Variants in GCNT2 observed in about 807,000 individuals in gnomAD.
GCNT2 encodes the protein glucosaminyl (N-acetyl) transferase 2 (I blood group), also known as N-acetyllactosaminide beta-1,6-N-acetylglucosaminyl-transferase.
GCNT2 carries 34 observed loss-of-function variants against 34.2 expected under a neutral mutation model. The observed-to-expected ratio is 1.00, with a 90% CI of 0.76 to 1.32. The LOEUF is 1.32. Among genes scored for constraint, GCNT2 ranks in the 40% most tolerant of loss-of-function variants. GCNT2 has a pLI of 0.00. For missense variants in GCNT2, 584 were observed against 489.4 expected (o/e 1.19, Z -1.82); for synonymous variants, 212 against 188.0 (o/e 1.13, Z -1.04).
chr6:10,549,809 T>C lies in GCNT2; in HGVS notation c.925+19973T>C, dbSNP rs570799949. Among the ~76,000 whole-genome samples the C allele has an allele frequency of 5.9e-5, 9 of 152,304 alleles. No individual in the cohort carries two copies. In the South Asian group the frequency reaches 1.7e-3, roughly 28 times the overall value. On this transcript the variant is annotated intron_variant, in intron 3 of 4. Coordinates refer to ENST00000495262, the MANE Select transcript of GCNT2 (RefSeq NM_145649.5). Reference sequence around the variant, plus strand: ...TGTTAAATAATTCTGTTCTGTATTTTGTATAATATGGATTGTGCCCAGATG... The same window carrying C: ...TGTTAAATAATTCTGTTCTGTATTTCGTATAATATGGATTGTGCCCAGATG...
chr6:10,596,568 A>T (rs1764861640), intron 3 of GCNT2, among the ~76,000 whole-genome samples: 1 of 151,898 alleles, frequency 6.6e-6, no homozygotes, highest in Non-Finnish European at 1.5e-5. Context: ...TTTCTGGAGG[A>T]AAAATGGGAA....
intron 3 of GCNT2, among the ~76,000 whole-genome samples, chr6:10,589,793 T>C (rs184216045): frequency 1.3e-5 from 2 of 152,208 alleles, no homozygotes; most frequent in Non-Finnish European, 1.5e-5. Flanking sequence ...ATATGGACTT[T>C]AAGTTCACTA....
rs1269044263 is a variant in GCNT2, at chr6:10,579,841, A to AC, written c.926-41510_926-41509insC. ...AAAAAACAAACAAAAAAAAAAAAAA[A>AC]AAAAAAACAAGTAATAAAATGGGCA... On this transcript the variant is annotated intron_variant, in intron 3 of 4. Transcript: ENST00000495262. Among the ~76,000 whole-genome samples the AC allele has an allele frequency of 5.4e-3, 808 of 148,832 alleles. 12 individuals are homozygous for AC. Among genetic ancestry groups the AC allele is most frequent in the African/African-American group, 0.018 (731 of 40,154 alleles).
intron 3 of GCNT2, among the ~76,000 whole-genome samples, chr6:10,533,493 A>G (rs1276815379): frequency 1.3e-5 from 2 of 151,872 alleles, no homozygotes; most frequent in Non-Finnish European, 2.9e-5. Flanking sequence ...ATGAATTTAA[A>G]GAATGTATTT....
intron 3 of GCNT2, among the ~76,000 whole-genome samples, chr6:10,548,993 G>A (rs1021937420): frequency 6.6e-6 from 1 of 152,186 alleles, no homozygotes; most frequent in South Asian, 2.1e-4. Context: ...TCCTGACCTC[G>A]TGATCCACAC....
intron 3 of GCNT2, among the ~76,000 whole-genome samples, chr6:10,575,990 G>T (rs1436977488): frequency 1.3e-5 from 2 of 152,152 alleles, no homozygotes; most frequent in Non-Finnish European, 2.9e-5. Context: ...GCACCCAGGT[G>T]AAATAAACAG....
chr6:10,566,804 C>A (rs1454590126), intron 3 of GCNT2, among the ~76,000 whole-genome samples: 1 of 152,218 alleles, frequency 6.6e-6, no homozygotes, highest in African/African-American at 2.4e-5. Context: ...TGCACGCACA[C>A]GTTTTATATG....
intron 3 of GCNT2, among the ~76,000 whole-genome samples, chr6:10,572,542 C>T (rs2127398024): frequency 1.3e-5 from 2 of 152,170 alleles, no homozygotes; most frequent in South Asian, 4.1e-4. Context: ...ACCATCCTGG[C>T]CAACATGGTG....
chr6:10,563,756 G>GAAAAA (rs55761102), intron 3 of GCNT2, among the ~76,000 whole-genome samples: 11 of 55,808 alleles, frequency 2.0e-4, no homozygotes, highest in East Asian at 8.0e-4. Flanking sequence ...AAAGAAAAAA[G>GAAAAA]AAAAAAAAAA....
chr6:10,523,497 T>G (rs1390357841), intron 1 of GCNT2, among the ~76,000 whole-genome samples: 1 of 152,146 alleles, frequency 6.6e-6, no homozygotes, highest in African/African-American at 2.4e-5. Flanking sequence ...CCAGCTATTT[T>G]TTGTTAAACG....
chr6:10,569,124 G>A (rs367637960), intron 3 of GCNT2, among the ~76,000 whole-genome samples: 1 of 151,780 alleles, frequency 6.6e-6, no homozygotes, highest in Admixed American at 6.6e-5. Flanking sequence ...AATATTTATT[G>A]AATTGAGTCA....
chr6:10,578,317 G>C (rs1240648732), intron 3 of GCNT2, among the ~76,000 whole-genome samples: 1 of 150,700 alleles, frequency 6.6e-6, no homozygotes, highest in Non-Finnish European at 1.5e-5. Flanking sequence ...GGAGGCGAAG[G>C]TTGCAGTGAG....
At position 10,585,066 on chromosome 6, in the gene GCNT2, TGTGTGTGTGTGTGCGC is replaced by T. The variant is rs1311554691; in HGVS notation, c.926-36283_926-36268del. On this transcript the variant is annotated intron_variant, in intron 3 of 4. Coordinates refer to ENST00000495262, the MANE Select transcript of GCNT2 (RefSeq NM_145649.5). ...GTGTGTGTGTGTGTGTGTGTGTGTG[TGTGTGTGTGTGTGCGC>T]GCTATATTCTGACACATCATTAGAA... Among the ~76,000 whole-genome samples the T allele has an allele frequency of 9.3e-3, 1,203 of 129,436 alleles. 20 individuals carry two copies. The highest frequency in any genetic ancestry group is 0.047 in the African/African-American group (1,118 of 23,778). The allele number at this position is 129,436 out of a possible 152,430, so 84.9% of individuals were successfully genotyped here.
At position 10,604,143 on chromosome 6, in the gene GCNT2, C is replaced by T. The variant is rs547448903; in HGVS notation, c.926-17208C>T. On this transcript the variant is annotated intron_variant, in intron 3 of 4. Coordinates refer to ENST00000495262, the MANE Select transcript of GCNT2 (RefSeq NM_145649.5). ...ATCTCCTGACCTCATGTGATCCGCCCGCTTCGGCCTCCCAAAGTGCTGGGA... is the reference window on the plus strand; with the variant it reads ...ATCTCCTGACCTCATGTGATCCGCCTGCTTCGGCCTCCCAAAGTGCTGGGA... Among the ~76,000 whole-genome samples, 19 of 150,666 alleles carry T rather than the reference C, an allele frequency of 1.3e-4. No individual in the cohort carries two copies. In the South Asian group the frequency reaches 1.9e-3, roughly 15 times the overall value.
intron 3 of GCNT2, among the ~76,000 whole-genome samples, chr6:10,540,968 T>G (rs890125529): frequency 4.6e-5 from 7 of 152,162 alleles, no homozygotes; most frequent in Admixed American, 3.3e-4. Context: ...CAGTATCAAT[T>G]ACCCTCCATC....
intron 3 of GCNT2, among the ~76,000 whole-genome samples, chr6:10,552,226 ATTG>A (rs1762516471): frequency 6.6e-6 from 1 of 151,226 alleles, no homozygotes; most frequent in Non-Finnish European, 1.5e-5. Flanking sequence ...TTACGGGAGG[ATTG>A]TTGTTTTAGT....
chr6:10,573,049 A>G (rs1377199277), intron 3 of GCNT2: 1 of 279,506 alleles, frequency 3.6e-6, no homozygotes, highest in African/African-American at 2.3e-5. Context: ...TCCAGAATTT[A>G]ATAAGGCTAT....
chr6:10,571,502 A>G (rs545639895), intron 3 of GCNT2, among the ~76,000 whole-genome samples: 21 of 152,150 alleles, frequency 1.4e-4, no homozygotes, highest in African/African-American at 4.8e-4. Flanking sequence ...ACAGGCGCCT[A>G]CCAATATGCC....
intron 3 of GCNT2, among the ~76,000 whole-genome samples, chr6:10,570,207 T>C (rs1429787409): frequency 6.6e-6 from 1 of 152,214 alleles, no homozygotes; most frequent in Non-Finnish European, 1.5e-5. Context: ...AGTGTCGGGA[T>C]TACAGGCATT....
Sources: gnomAD v4.1 joint callset for allele counts (sites outside exome capture counted in the v4.1 genomes callset) on GRCh38, gnomAD v4.1.1 for gene constraint, MANE v1.5 for transcripts, NCBI Gene and HGNC (gene_info 2026-07-23, HGNC 2026-07-21) for gene names.